The following RALGPS2 variants were observed in gnomAD, a reference collection of about 807,000 sequenced individuals.
The protein encoded by RALGPS2 is Ral GEF with PH domain and SH3 binding motif 2.
RALGPS2 carries 43 observed loss-of-function variants against 86.8 expected under a neutral mutation model. The ratio of observed to expected loss-of-function variants is 0.50; its 90% CI spans 0.39 to 0.64. RALGPS2 has a LOEUF of 0.64. Ranked by LOEUF, RALGPS2 falls within the 30% of genes least tolerant of loss-of-function variation. The pLI, the probability that RALGPS2 is intolerant of heterozygous loss-of-function variation, is 0.00. For missense variants in RALGPS2, 536 were observed against 694.6 expected (o/e 0.77, Z 2.57); for synonymous variants, 243 against 231.3 (o/e 1.05, Z -0.46).
At chr1:178,865,619 A>T in intron 8 of RALGPS2, 1 of 1,614,008 alleles carries the variant, frequency 6.2e-7, no homozygotes, top group Non-Finnish European at 8.5e-7. Context: ...AGGTACCAGG[A>T]ATGTGTATGC....
intron 1 of RALGPS2, among the ~76,000 whole-genome samples, chr1:178,750,249 T>TG (rs1651579801): frequency 6.6e-6 from 1 of 152,238 alleles, no homozygotes; most frequent in African/African-American, 2.4e-5. Context: ...AAGTCTCTGT[T>TG]GCAGCTATTC....
chr1:178,804,488 T>C (rs1384691639), intron 4 of RALGPS2, among the ~76,000 whole-genome samples: 1 of 140,394 alleles, frequency 7.1e-6, no homozygotes, highest in Non-Finnish European at 1.5e-5. Flanking sequence ...CCATGTGATC[T>C]CATTGTTCAG....
At chr1:178,909,459 A>G (rs1660522054) in intron 19 of RALGPS2, among the ~76,000 whole-genome samples, 1 of 151,868 alleles carries the variant, frequency 6.6e-6, no homozygotes, top group African/African-American at 2.4e-5. Flanking sequence ...GGTTTTTTCT[A>G]ATTCTTTGAA....
intron 1 of RALGPS2, among the ~76,000 whole-genome samples, chr1:178,766,106 T>G (rs1205364757): frequency 6.6e-6 from 1 of 152,224 alleles, no homozygotes; most frequent in Non-Finnish European, 1.5e-5. Context: ...AAGTGATAAG[T>G]GTCCATGAAA....
At chr1:178,915,359 C>T (rs1157986783) in intron 19 of RALGPS2, among the ~76,000 whole-genome samples, 3 of 152,164 alleles carry the variant, frequency 2.0e-5, no homozygotes, top group Non-Finnish European at 4.4e-5. Flanking sequence ...CCTCAGCCTC[C>T]TGAGTAGCTG....
Position 178,899,474 on chromosome 1 carries a change from A to G in RALGPS2, c.1524+1718A>G, listed in dbSNP as rs567364452. The stretch of plus-strand genomic sequence containing the variant: ...TCTTGAGATAGAAAAGATATGGCAC[A>G]GAACTAAATGGAAGAAAAAAATTTT... On this transcript the variant is annotated intron_variant, in intron 17 of 19. Coordinates refer to ENST00000367635, the MANE Select transcript of RALGPS2 (RefSeq NM_152663.5). Among the ~76,000 whole-genome samples, 67 of 152,022 alleles carry G rather than the reference A, an allele frequency of 4.4e-4. 3 individuals carry two copies. The highest frequency in any genetic ancestry group is 5.9e-5 in the Non-Finnish European group (4 of 67,842).
chr1:178,857,747 G>A (rs1657686532), intron 8 of RALGPS2, among the ~76,000 whole-genome samples: 1 of 152,116 alleles, frequency 6.6e-6, no homozygotes. Flanking sequence ...AGTTTTGACA[G>A]TTTACATTTA....
intron 11 of RALGPS2, among the ~76,000 whole-genome samples, chr1:178,884,634 A>T (rs574432210): frequency 1.3e-5 from 2 of 152,332 alleles, no homozygotes; most frequent in East Asian, 3.9e-4. Context: ...AAGCCTGAAC[A>T]GTGTCAGTGT....
chr1:178,729,895 A>G (rs1385702960), intron 1 of RALGPS2, among the ~76,000 whole-genome samples: 3 of 152,130 alleles, frequency 2.0e-5, no homozygotes, highest in East Asian at 1.9e-4. Flanking sequence ...ATTTATTTAC[A>G]TATTTAAAAA....
chr1:178,822,494 T>C (rs887958746), intron 7 of RALGPS2, among the ~76,000 whole-genome samples: 15 of 148,178 alleles, frequency 1.0e-4, no homozygotes, highest in Non-Finnish European at 2.9e-5. Context: ...TGACTGACTT[T>C]TTAAAACTTT....
Position 178,845,118 on chromosome 1 carries a change from C to A in RALGPS2, c.607+11568C>A, listed in dbSNP as rs538107873. On this transcript the variant is annotated intron_variant, in intron 8 of 19. Coordinates refer to ENST00000367635, the MANE Select transcript of RALGPS2 (RefSeq NM_152663.5). Reference sequence around the variant, plus strand: ...CTCCATCTCAAAAAAAAAAAAAAAACCATATTTTTTGAACTGTGGAAATCA... The same window carrying A: ...CTCCATCTCAAAAAAAAAAAAAAAAACATATTTTTTGAACTGTGGAAATCA... 3.6e-3 allele frequency among the ~76,000 whole-genome samples: 535 copies of A among 148,466 alleles called. 1 individual carries two copies. The highest frequency in any genetic ancestry group is 7.7e-3 in the Admixed American group (115 of 14,986).
intron 6 of RALGPS2, among the ~76,000 whole-genome samples, chr1:178,817,079 G>C (rs1655266648): frequency 6.6e-6 from 1 of 151,564 alleles, no homozygotes; most frequent in Admixed American, 6.6e-5. Context: ...TAATATCTAG[G>C]CCAGGCACAG....
At chr1:178,902,292 T>C (rs1572467380) in intron 18 of RALGPS2, 81 bp downstream of exon 18, 1 of 1,093,768 alleles carries the variant, frequency 9.1e-7, no homozygotes, top group East Asian at 2.4e-5. Context: ...GTGTGTATAC[T>C]TGTCATATAT....
chr1:178,772,337 AAAAAC>A (rs1448228157), intron 1 of RALGPS2, among the ~76,000 whole-genome samples: 1 of 152,188 alleles, frequency 6.6e-6, no homozygotes, highest in Non-Finnish European at 1.5e-5. Context: ...CATACCCACC[AAAAAC>A]AAAAACACAA....
At chr1:178,902,495 T>G (rs752338231) in intron 18 of RALGPS2, among the ~76,000 whole-genome samples, 4 of 152,096 alleles carry the variant, frequency 2.6e-5, no homozygotes, top group African/African-American at 9.7e-5. Context: ...AAAGCCCAGC[T>G]AATCCCTAGA....
At chr1:178,777,743 T>C (rs1169072910) in intron 2 of RALGPS2, among the ~76,000 whole-genome samples, 2 of 152,042 alleles carry the variant, frequency 1.3e-5, no homozygotes, top group African/African-American at 4.8e-5. Context: ...ACACCGCATA[T>C]CTACAACTAT....
chr1:178,808,544 T>TG (rs1346167304), intron 5 of RALGPS2, among the ~76,000 whole-genome samples: 1 of 152,148 alleles, frequency 6.6e-6, no homozygotes, highest in East Asian at 1.9e-4. Context: ...TGGAACTTCT[T>TG]GGGGTACTAC....
chr1:178,744,533 G>A (rs1651201798), intron 1 of RALGPS2, among the ~76,000 whole-genome samples: 1 of 152,120 alleles, frequency 6.6e-6, no homozygotes, highest in Admixed American at 6.6e-5. Flanking sequence ...AAATAAGCTG[G>A]GTTTGGTGGC....
In RALGPS2 at chr1:178,865,218, T is replaced by A. The variant is rs1280944094; in HGVS notation, c.608-12280T>A. 1.9e-6 allele frequency: 3 copies of A among 1,614,110 alleles called. No individual in the cohort carries two copies. Among genetic ancestry groups the A allele is most frequent in the Non-Finnish European group, 2.5e-6 (3 of 1,179,960 alleles). On this transcript the variant is annotated intron_variant, in intron 8 of 19. Transcript: ENST00000367635. ...AAAGTGATCATCACAGATTGGTTAT[T>A]GACAAGATCAGTCAAGGAAGCGTAT...
Sources: gnomAD v4.1 joint callset for allele counts (sites outside exome capture counted in the v4.1 genomes callset) on GRCh38, gnomAD v4.1.1 for gene constraint, MANE v1.5 for transcripts, NCBI Gene and HGNC (gene_info 2026-07-23, HGNC 2026-07-21) for gene names.